The following PPFIA2 variants were observed in gnomAD, a reference collection of about 807,000 sequenced individuals.
The protein encoded by PPFIA2 is PPFI scaffold protein A2.
Under a neutral mutation model 175.5 loss-of-function variants are expected in PPFIA2, and 46 were observed. That is an observed-to-expected ratio of 0.26 (90% CI 0.21 to 0.34). The LOEUF (loss-of-function observed/expected upper bound fraction) is 0.34. Ranked by LOEUF, PPFIA2 falls within the 10% of genes least tolerant of loss-of-function variation. The probability of loss-of-function intolerance (pLI) is 1.00; values close to 1 mark genes in which losing one functional copy is unlikely to be tolerated. For synonymous variants in PPFIA2, 568 were observed against 511.4 expected (o/e 1.11, Z -1.49); for missense variants, 1,179 against 1,506.1 (o/e 0.78, Z 3.60).
Position 81,484,391 on chromosome 12 carries a change from C to A in PPFIA2, c.304-26525G>T, listed in dbSNP as rs535283846. 3.8e-3 allele frequency among the ~76,000 whole-genome samples: 572 copies of A among 151,954 alleles called. 2 individuals are homozygous for A. Among genetic ancestry groups the A allele is most frequent in the African/African-American group, 0.013 (535 of 41,462 alleles). On this transcript the variant is annotated intron_variant, in intron 4 of 32. Coordinates refer to ENST00000549396, the MANE Select transcript of PPFIA2 (RefSeq NM_003625.5). ...CAGAGGCTAGTGATGAAGATGTGTGCAAAGTGTTCTAGGAACACTCTGGAG... is the reference window on the plus strand; with the variant it reads ...CAGAGGCTAGTGATGAAGATGTGTGAAAAGTGTTCTAGGAACACTCTGGAG...
chr12:81,313,108 GC>G (rs1422292217), intron 22 of PPFIA2, among the ~76,000 whole-genome samples: 2 of 152,084 alleles, frequency 1.3e-5, no homozygotes, highest in African/African-American at 4.8e-5. Context: ...TACACATATA[GC>G]TTTTGAAGAA....
intron 20 of PPFIA2, 67 bp downstream of exon 20, chr12:81,341,011 C>T (rs1183066706): frequency 1.4e-6 from 2 of 1,450,856 alleles, no homozygotes; most frequent in Admixed American, 1.9e-5. Flanking sequence ...TATTCGACAA[C>T]AACGAAGGAA....
At chr12:81,337,774 A>G (rs543658792) in intron 21 of PPFIA2, among the ~76,000 whole-genome samples, 62 of 152,282 alleles carry the variant, frequency 4.1e-4, no homozygotes, top group Middle Eastern at 3.4e-3. Context: ...CTCACACTAT[A>G]GTGACTGACA....
chr12:81,362,552 A>T (rs1042958981), intron 15 of PPFIA2, 141 bp downstream of exon 15: 1 of 459,374 alleles, frequency 2.2e-6, no homozygotes, highest in Non-Finnish European at 3.9e-6. Context: ...AAAAACTGCA[A>T]ATCAGTGAAG....
At chr12:81,706,723 A>T (rs2077199434) in intron 3 of PPFIA2, among the ~76,000 whole-genome samples, 1 of 152,186 alleles carries the variant, frequency 6.6e-6, no homozygotes, top group South Asian at 2.1e-4. Context: ...TAGCCAAGAC[A>T]ATCCTAAGCC....
intron 21 of PPFIA2, among the ~76,000 whole-genome samples, chr12:81,331,202 C>CT (rs1372277540): frequency 1.3e-5 from 2 of 152,160 alleles, no homozygotes; most frequent in African/African-American, 4.8e-5. Flanking sequence ...TTCACTATAC[C>CT]TTTTATGTTT....
At chr12:81,435,678 C>CTGTA (rs969107776) in intron 7 of PPFIA2, among the ~76,000 whole-genome samples, 4 of 152,056 alleles carry the variant, frequency 2.6e-5, no homozygotes, top group Non-Finnish European at 5.9e-5. Context: ...ATAGAATAAA[C>CTGTA]TGTATGGTCT....
intron 4 of PPFIA2, among the ~76,000 whole-genome samples, chr12:81,654,406 C>G (rs1283314045): frequency 6.6e-6 from 1 of 151,904 alleles, no homozygotes; most frequent in Admixed American, 6.6e-5. Flanking sequence ...AAAATCCTAA[C>G]TAATTACTAT....
At chr12:81,474,005 T>C (rs1368993686) in intron 4 of PPFIA2, among the ~76,000 whole-genome samples, 1 of 152,180 alleles carries the variant, frequency 6.6e-6, no homozygotes, top group Admixed American at 6.5e-5. Flanking sequence ...TTCTCACATT[T>C]TTCTTTAACA....
chr12:81,381,451 T>C (rs2141920705), intron 9 of PPFIA2, among the ~76,000 whole-genome samples: 1 of 152,202 alleles, frequency 6.6e-6, no homozygotes, highest in African/African-American at 2.4e-5. Context: ...GGGCCTTACC[T>C]GTAAGTGATG....
chr12:81,599,081 C>A (rs1312362345), intron 4 of PPFIA2, among the ~76,000 whole-genome samples: 2 of 151,768 alleles, frequency 1.3e-5, no homozygotes, highest in East Asian at 1.9e-4. Flanking sequence ...TTAACAAATT[C>A]TTCAATTTGT....
intron 3 of PPFIA2, among the ~76,000 whole-genome samples, chr12:81,715,695 T>C (rs562088637): frequency 6.6e-6 from 1 of 151,878 alleles, no homozygotes; most frequent in South Asian, 2.1e-4. Context: ...GCTGCATGTA[T>C]AAAACTTTGT....
At chr12:81,312,064 T>A in intron 22 of PPFIA2, 1 of 1,204,094 alleles carries the variant, frequency 8.3e-7, no homozygotes, top group Non-Finnish European at 1.2e-6. Context: ...GCAGTGCAGC[T>A]TGTGTTACAA....
chr12:81,621,233 C>A (rs1041528460), intron 4 of PPFIA2, among the ~76,000 whole-genome samples: 4 of 152,042 alleles, frequency 2.6e-5, no homozygotes, highest in Admixed American at 6.5e-5. Flanking sequence ...AGATGCAAAT[C>A]CAAAGGTGCT....
At chr12:81,616,755 G>A (rs1366429578) in intron 4 of PPFIA2, among the ~76,000 whole-genome samples, 1 of 152,048 alleles carries the variant, frequency 6.6e-6, no homozygotes, top group East Asian at 1.9e-4. Flanking sequence ...AATAAATTCA[G>A]AAATTCTTAT....
chr12:81,482,509 C>G (rs191695604), intron 4 of PPFIA2, among the ~76,000 whole-genome samples: 23 of 152,056 alleles, frequency 1.5e-4, no homozygotes, highest in African/African-American at 5.5e-4. Flanking sequence ...CAGTGATAGA[C>G]GGATAAAGAA....
intron 12 of PPFIA2, 68 bp downstream of exon 12, chr12:81,369,043 T>G: frequency 7.3e-7 from 1 of 1,368,950 alleles, no homozygotes; most frequent in Non-Finnish European, 1.0e-6. Context: ...TTAAAGGCTT[T>G]CTTCTTATAT....
At chr12:81,666,643 G>T (rs2070359151) in intron 4 of PPFIA2, among the ~76,000 whole-genome samples, 1 of 152,048 alleles carries the variant, frequency 6.6e-6, no homozygotes, top group Non-Finnish European at 1.5e-5. Context: ...GATAGCATTT[G>T]GAGATATACC....
At chr12:81,531,534 C>T (rs921865316) in intron 4 of PPFIA2, among the ~76,000 whole-genome samples, 5 of 151,444 alleles carry the variant, frequency 3.3e-5, no homozygotes, top group African/African-American at 1.2e-4. Context: ...CACATTTAGT[C>T]AACTTACAAA....
Sources: gnomAD v4.1 joint callset for allele counts (sites outside exome capture counted in the v4.1 genomes callset) on GRCh38, gnomAD v4.1.1 for gene constraint, MANE v1.5 for transcripts, NCBI Gene and HGNC (gene_info 2026-07-23, HGNC 2026-07-21) for gene names.